Variants in RASAL2 observed in about 807,000 individuals in gnomAD.
RASAL2 encodes the protein RAS protein activator like 2, also known as ras GTPase-activating protein nGAP.
A neutral mutation model predicts 128.9 loss-of-function variants in RASAL2; 58 were observed. That is an observed-to-expected ratio of 0.45 (90% CI 0.36 to 0.56). RASAL2 has a LOEUF of 0.56. Ranked by LOEUF, RASAL2 falls within the 20% of genes least tolerant of loss-of-function variation. The pLI is 0.00. For synonymous variants in RASAL2, 561 were observed against 580.8 expected, an observed-to-expected ratio of 0.97 and a Z score of 0.49; for missense variants, 1,360 against 1,601.6, an observed-to-expected ratio of 0.85 and a Z score of 2.57.
chr1:178,421,633 T>C (rs148189037), intron 5 of RASAL2, among the ~76,000 whole-genome samples: 2 of 152,216 alleles, frequency 1.3e-5, no homozygotes, highest in East Asian at 1.9e-4. Flanking sequence ...TCATATTTGA[T>C]ACTCTTATTT....
intron 1 of RASAL2, among the ~76,000 whole-genome samples, chr1:178,132,505 T>C (rs1660158722): frequency 6.6e-6 from 1 of 152,176 alleles, no homozygotes; most frequent in East Asian, 1.9e-4. Flanking sequence ...AATAGGATCA[T>C]ATATGAGGAG....
chr1:178,158,938 A>G (rs1463252386), intron 1 of RASAL2, among the ~76,000 whole-genome samples: 2 of 152,200 alleles, frequency 1.3e-5, no homozygotes, highest in African/African-American at 4.8e-5. Flanking sequence ...ATTGTGATAG[A>G]AATGTTTCTT....
intron 3 of RASAL2, among the ~76,000 whole-genome samples, chr1:178,314,815 T>C (rs1410623736): frequency 6.6e-6 from 1 of 151,912 alleles, no homozygotes; most frequent in Non-Finnish European, 1.5e-5. Context: ...ATACTTTAAG[T>C]TTTAGGGTAC....
intron 1 of RASAL2, among the ~76,000 whole-genome samples, chr1:178,147,351 G>A (rs913282595): frequency 1.3e-5 from 2 of 151,850 alleles, no homozygotes; most frequent in Non-Finnish European, 2.9e-5. Context: ...TTAGCTGGGC[G>A]TGGTAGTGTG....
rs1663328195 is a variant in RASAL2 at position 178,213,609 on chromosome 1, GAAGC to G, written c.203-69951_203-69948del. 2.0e-5 allele frequency among the ~76,000 whole-genome samples: 3 copies of G among 152,166 alleles called. No homozygotes were observed. The South Asian group carries it at 6.2e-4, about 32-fold the overall frequency. On this transcript the variant is annotated intron_variant, in intron 1 of 17. Coordinates refer to ENST00000367649, the MANE Select transcript of RASAL2 (RefSeq NM_170692.4). ...ATCTGAGACACAATGATGAGCATAAGAAGCAAGGCAAAGGAGTACATAATGTATA... is the reference window on the plus strand; with the variant it reads ...ATCTGAGACACAATGATGAGCATAAGAAGGCAAAGGAGTACATAATGTATA...
At chr1:178,211,547 C>T (rs1463788359) in intron 1 of RASAL2, among the ~76,000 whole-genome samples, 1 of 152,120 alleles carries the variant, frequency 6.6e-6, no homozygotes, top group Non-Finnish European at 1.5e-5. Flanking sequence ...CTTCTCGCCC[C>T]ATACTCTGGA....
rs1447231329 is a variant in RASAL2, at chr1:178,443,181, G to A, written c.1434G>A (p.Glu478=). Residue 478 remains glutamate (E), a synonymous_variant, in exon 8 of 18, where the codon GAG becomes GAA. Transcript: ENST00000367649. ...TAATTAGTGTGAGAAATAAAGAGGAGTTGGCTTGTGCCTTAGTGCACATTC... is the reference window on the plus strand; with the variant it reads ...TAATTAGTGTGAGAAATAAAGAGGAATTGGCTTGTGCCTTAGTGCACATTC... ...EPVISVRNKE[E]LACALVHILQ... 8 of 1,613,658 alleles carry A rather than the reference G, an allele frequency of 5.0e-6. No individual in the cohort carries two copies. The highest frequency in any genetic ancestry group is 5.9e-6 in the Non-Finnish European group (7 of 1,179,658).
chr1:178,437,835 C>A (rs1469960064), intron 5 of RASAL2, among the ~76,000 whole-genome samples: 1 of 151,958 alleles, frequency 6.6e-6, no homozygotes, highest in Non-Finnish European at 1.5e-5. Flanking sequence ...TTGTCTTATA[C>A]ATAGAACAGA....
intron 1 of RASAL2, among the ~76,000 whole-genome samples, chr1:178,232,995 C>T (rs1664075286): frequency 1.3e-5 from 2 of 152,188 alleles, no homozygotes. Context: ...TAACCTACTG[C>T]AGGAAGTGAG....
At chr1:178,162,561 CTT>C (rs1396671683) in intron 1 of RASAL2, among the ~76,000 whole-genome samples, 9 of 114,688 alleles carry the variant, frequency 7.8e-5, no homozygotes, top group East Asian at 4.7e-4. Context: ...TATAATATAT[CTT>C]TATATAAAAT....
intron 4 of RASAL2, among the ~76,000 whole-genome samples, chr1:178,401,638 A>T (rs1673636347): frequency 6.6e-6 from 1 of 152,190 alleles, no homozygotes; most frequent in South Asian, 2.1e-4. Flanking sequence ...CAACGTAGTG[A>T]GACCCCATCT....
intron 1 of RASAL2, among the ~76,000 whole-genome samples, chr1:178,225,444 A>G (rs528897413): frequency 2.0e-5 from 3 of 152,036 alleles, no homozygotes; most frequent in Admixed American, 6.5e-5. Flanking sequence ...ATCATGGTCT[A>G]CTTTTTATGG....
intron 1 of RASAL2, among the ~76,000 whole-genome samples, chr1:178,202,743 C>T (rs1423865371): frequency 6.6e-6 from 1 of 152,294 alleles, no homozygotes; most frequent in Middle Eastern, 3.4e-3. Flanking sequence ...TGTGGGTGCT[C>T]ACCAAAGGGT....
At chr1:178,351,681 A>C (rs1670513893) in intron 3 of RASAL2, among the ~76,000 whole-genome samples, 1 of 149,318 alleles carries the variant, frequency 6.7e-6, no homozygotes, top group South Asian at 2.1e-4. Flanking sequence ...GTGAGCCAAG[A>C]TTGTGCCACT....
intron 4 of RASAL2, among the ~76,000 whole-genome samples, chr1:178,413,500 T>C (rs1376341388): frequency 6.6e-6 from 1 of 152,218 alleles, no homozygotes; most frequent in African/African-American, 2.4e-5. Flanking sequence ...TACTACTACA[T>C]GACTAAAGGC....
intron 1 of RASAL2, among the ~76,000 whole-genome samples, chr1:178,254,393 A>T (rs951156345): frequency 1.3e-5 from 2 of 152,218 alleles, no homozygotes; most frequent in African/African-American, 2.4e-5. Context: ...TGTCTGGATT[A>T]TGTCAACTTT....
intron 5 of RASAL2, among the ~76,000 whole-genome samples, chr1:178,427,978 A>G (rs1489153763): frequency 6.6e-6 from 1 of 151,752 alleles, no homozygotes; most frequent in African/African-American, 2.4e-5. Flanking sequence ...TCCTGTCTCT[A>G]TCGCTTTATT....
intron 1 of RASAL2, among the ~76,000 whole-genome samples, chr1:178,115,997 GT>G (rs1016541990): frequency 2.0e-5 from 3 of 152,054 alleles, no homozygotes; most frequent in Non-Finnish European, 4.4e-5. Flanking sequence ...TTTACTGAGA[GT>G]TTTTTCCCTA....
intron 1 of RASAL2, among the ~76,000 whole-genome samples, chr1:178,229,779 G>T (rs561015836): frequency 6.6e-6 from 1 of 152,242 alleles, no homozygotes; most frequent in Admixed American, 6.5e-5. Context: ...CTGCTAACTA[G>T]ATAGAGTTCA....
Sources: allele counts gnomAD v4.1 joint callset (sites outside exome capture counted in the v4.1 genomes callset), GRCh38; gene constraint gnomAD v4.1.1; transcripts MANE v1.5; gene names NCBI Gene and HGNC (gene_info 2026-07-23, HGNC 2026-07-21).